WDR36: variants seen among roughly 807,000 people sequenced by gnomAD.
WDR36 encodes the protein WD repeat-containing protein 36.
WDR36 carries 63 observed loss-of-function variants against 112.7 expected under a neutral mutation model. The observed-to-expected ratio is 0.56, with a 90% confidence interval of 0.46 to 0.69. WDR36 has a LOEUF of 0.69. Among genes scored for constraint, WDR36 ranks in the 30% least tolerant of loss-of-function variants. The pLI, the probability that WDR36 is intolerant of heterozygous loss-of-function variation, is 0.00. For synonymous variants in WDR36, 410 were observed against 362.2 expected, an observed-to-expected ratio of 1.13 and a Z score of -1.50; for missense variants, 1,226 against 1,070.3, an observed-to-expected ratio of 1.15 and a Z score of -2.03.
At chr5:111,100,828 G>T (rs1753107692) in intron 5 of WDR36, 107 bp downstream of exon 5, 1 of 1,186,376 alleles carries the variant, frequency 8.4e-7, no homozygotes, top group Non-Finnish European at 1.2e-6. Flanking sequence ...TATTTATTTG[G>T]AGGGTTGTCT....
chr5:111,119,007 C>T lies in WDR36; in HGVS notation c.1797-6C>T. 6.2e-7 allele frequency: 1 copy of T among 1,605,320 alleles called. No homozygotes were observed. The highest frequency in any genetic ancestry group is 8.5e-7 in the Non-Finnish European group (1 of 1,172,288). Reference sequence around the variant, plus strand: ...AATACTTTTAACATGTTAATTATTTCTGTAGCCTTATAGACTGCTTTTTGT... The same window carrying T: ...AATACTTTTAACATGTTAATTATTTTTGTAGCCTTATAGACTGCTTTTTGT... On this transcript the variant is annotated splice_region_variant and splice_polypyrimidine_tract_variant and intron_variant, in intron 16 of 22. Transcript: ENST00000513710.
intron 6 of WDR36, among the ~76,000 whole-genome samples, chr5:111,103,235 C>A (rs1753156658): frequency 6.6e-6 from 1 of 151,794 alleles, no homozygotes; most frequent in South Asian, 2.1e-4. Flanking sequence ...ATAATAGAGC[C>A]TGTATGTAAG....
intron 15 of WDR36, 178 bp downstream of exon 15, chr5:111,111,456 G>C (rs1414320815): frequency 3.4e-6 from 2 of 581,772 alleles, no homozygotes; most frequent in African/African-American, 3.8e-5. Context: ...TCAGGGAGTT[G>C]ATGCGATCAA....
chr5:111,121,622 A>G (rs1580404105), intron 19 of WDR36, among the ~76,000 whole-genome samples: 2 of 152,206 alleles, frequency 1.3e-5, no homozygotes, highest in South Asian at 2.1e-4. Flanking sequence ...GGCTAGGTAC[A>G]TAAGTTAACA....
chr5:111,094,857 G>A (rs1435165964), intron 1 of WDR36, 63 bp from the exon 2 acceptor site: 1 of 1,316,102 alleles, frequency 7.6e-7, no homozygotes, highest in Non-Finnish European at 1.1e-6. Flanking sequence ...TTAATCTTCA[G>A]GTGTTAGGTT....
intron 16 of WDR36, among the ~76,000 whole-genome samples, chr5:111,114,714 C>G (rs1753421154): frequency 6.6e-6 from 1 of 152,174 alleles, no homozygotes; most frequent in Non-Finnish European, 1.5e-5. Flanking sequence ...GTTAAAGACA[C>G]TATTAGAAAT....
intron 5 of WDR36, among the ~76,000 whole-genome samples, 166 bp from the exon 6 acceptor site, chr5:111,102,179 C>G (rs557474757): frequency 4.5e-4 from 68 of 150,682 alleles, no homozygotes; most frequent in Non-Finnish European, 8.4e-4. Context: ...TTTGTCTGGA[C>G]AATATTACTA....
chr5:111,097,072 C>T lies in WDR36; in HGVS notation c.191-7C>T, dbSNP rs762482018. The T allele has an allele frequency of 1.2e-6, 2 of 1,604,496 alleles. No individual in the cohort carries two copies. The highest frequency in any genetic ancestry group is 2.2e-5 in the South Asian group (2 of 90,870). ...CCCTGTTTCTTTCATTTTGTATTTT[C>T]TGCTAGGTAATTCTGTTCCACAGGA... On this transcript the variant is annotated splice_region_variant and splice_polypyrimidine_tract_variant and intron_variant, in intron 2 of 22. Transcript: ENST00000513710.
chr5:111,103,889 G>A lies in WDR36; in HGVS notation c.701G>A (p.Gly234Glu). 1.2e-6 allele frequency: 2 copies of A among 1,611,186 alleles called. No homozygotes were observed. Among genetic ancestry groups the A allele is most frequent in the South Asian group, 1.1e-5 (1 of 91,000 alleles). ...TTAATGAAGTTTCGTCAAGACTGGG[G>A]ACCCATTACTTCAATTTCATTTCGC... ...ETLMKFRQDW[G>E]PITSISFRTD... The change falls in exon 7 of 23, where the codon GGA becomes GAA. Residue 234 changes from glycine to glutamate, a missense_variant. Gly to Glu is a moderately conservative substitution (Grantham distance 98). Transcript: ENST00000513710.
intron 15 of WDR36, among the ~76,000 whole-genome samples, chr5:111,112,185 A>T (rs1308175465): frequency 6.6e-6 from 1 of 151,988 alleles, no homozygotes; most frequent in Non-Finnish European, 1.5e-5. Flanking sequence ...TGTCAGTGTC[A>T]AGTTGCTCTT....
intron 10 of WDR36, among the ~76,000 whole-genome samples, chr5:111,105,561 AAGTT>A (rs1686105616): frequency 1.3e-5 from 2 of 151,590 alleles, no homozygotes; most frequent in African/African-American, 4.8e-5. Flanking sequence ...TTATTGAAAA[AAGTT>A]AGACATCTTG....
rs762741927 is a variant in WDR36 at position 111,098,842 on chromosome 5, A to G, written c.409+3A>G. Reference sequence around the variant, plus strand: ...TATTTGGCACATATATTCAGAAGGTAAGAGTTAACTCATTTATTTGCTTTA... The same window carrying G: ...TATTTGGCACATATATTCAGAAGGTGAGAGTTAACTCATTTATTTGCTTTA... On this transcript the variant is annotated splice_donor_region_variant and intron_variant, in intron 4 of 22. Transcript: ENST00000513710. 9.1e-6 allele frequency: 14 copies of G among 1,543,546 alleles called. No homozygotes were observed. The Admixed American group carries it at 1.2e-4, about 13-fold the overall frequency.
intron 6 of WDR36, among the ~76,000 whole-genome samples, chr5:111,102,727 G>A (rs569057290): frequency 1.4e-3 from 207 of 151,710 alleles, no homozygotes; most frequent in African/African-American, 4.8e-3. Flanking sequence ...CAATGCAAGC[G>A]GTATTGTAAG....
At chr5:111,118,123 A>G (rs955228328) in intron 16 of WDR36, among the ~76,000 whole-genome samples, 97 of 152,270 alleles carry the variant, frequency 6.4e-4, no homozygotes, top group African/African-American at 2.3e-3. Flanking sequence ...CGATTATAAG[A>G]TTAACACAAA....
intron 15 of WDR36, among the ~76,000 whole-genome samples, chr5:111,112,329 C>T (rs925753835): frequency 7.2e-5 from 11 of 151,976 alleles, no homozygotes. Flanking sequence ...TCTTTCCCAT[C>T]CTTTACTATC....
At position 111,126,800 on chromosome 5, in the gene WDR36, G is replaced by C; in HGVS notation, c.2605G>C (p.Val869Leu). The C allele has an allele frequency of 6.2e-7, 1 of 1,613,668 alleles. No homozygotes were observed. Among genetic ancestry groups the C allele is most frequent in the South Asian group, 1.1e-5 (1 of 91,068 alleles). ...AGAAATAACAAATTTGTCATCCCAG[G>C]TGGAAGAAAACTGGACCCATTTGCA... ...LEEITNLSSQ[V>L]EENWTHLQSL... The change falls in exon 23 of 23, where the codon GTG (valine) becomes CTG (leucine). Residue 869 changes from valine (V) to leucine (L), a missense_variant. By Grantham distance (32) the Val-to-Leu change is conservative. Coordinates refer to ENST00000513710, the MANE Select transcript of WDR36 (RefSeq NM_139281.3).
intron 16 of WDR36, among the ~76,000 whole-genome samples, chr5:111,117,215 A>G (rs773512642): frequency 6.6e-6 from 1 of 152,232 alleles, no homozygotes; most frequent in African/African-American, 2.4e-5. Context: ...GGACAATTAA[A>G]CAGCAGTCCT....
chr5:111,108,420 A>G (rs1339107555), intron 12 of WDR36, among the ~76,000 whole-genome samples: 3 of 151,026 alleles, frequency 2.0e-5, no homozygotes, highest in Non-Finnish European at 4.5e-5. Context: ...TAAAAGTGTA[A>G]CTCAACATTT....
At chr5:111,118,798 T>C (rs1312811348) in intron 16 of WDR36, among the ~76,000 whole-genome samples, 1 of 152,204 alleles carries the variant, frequency 6.6e-6, no homozygotes. Context: ...GTCTAGTTAA[T>C]GTTGTCTTTC....
Sources: gnomAD v4.1 joint callset for allele counts (sites outside exome capture counted in the v4.1 genomes callset) on GRCh38, gnomAD v4.1.1 for gene constraint, MANE v1.5 for transcripts, NCBI Gene and HGNC (gene_info 2026-07-23, HGNC 2026-07-21) for gene names.